Variants in NR6A1 observed in about 807,000 individuals in gnomAD.
NR6A1 encodes nuclear receptor subfamily 6 group A member 1, also known as retinoic acid receptor-related testis-associated receptor.
A neutral mutation model predicts 59.1 loss-of-function variants in NR6A1; 7 were observed. That is an observed-to-expected ratio of 0.12 (90% CI 0.07 to 0.22). The LOEUF (loss-of-function observed/expected upper bound fraction) is 0.22. Among genes scored for constraint, NR6A1 ranks in the 10% least tolerant of loss-of-function variants. The pLI is 1.00. For synonymous variants in NR6A1, 243 were observed against 236.1 expected, an observed-to-expected ratio of 1.03 and a Z score of -0.27; for missense variants, 468 against 611.6, an observed-to-expected ratio of 0.77 and a Z score of 2.48.
Position 124,771,278 on chromosome 9 carries a change from T to C in NR6A1, c.-159A>G, listed in dbSNP as rs1428879694. The C allele has an allele frequency of 2.6e-6, 1 of 391,416 alleles. No individual in the cohort carries two copies. The highest frequency in any genetic ancestry group is 4.5e-5 in the Admixed American group (1 of 22,274). 24.2% of individuals were successfully genotyped at this position (391,416 alleles called of 1,614,324 possible). ...CCCGAGCCGCCCGGCTCCGCGCCGC[T>C]CCGCGCCCCTCCGCGCCGCGCCCCC... On this transcript the variant is annotated 5_prime_UTR_variant, in exon 1 of 10. Coordinates refer to ENST00000487099, the MANE Select transcript of NR6A1 (RefSeq NM_033334.4).
chr9:124,564,681 CTGTGTGTGTG>C (rs56301413), intron 2 of NR6A1, among the ~76,000 whole-genome samples: 3 of 149,394 alleles, frequency 2.0e-5, no homozygotes, highest in Admixed American at 6.7e-5. Context: ...AATCCACACT[CTGTGTGTGTG>C]TGTGTGTGTG....
intron 2 of NR6A1, chr9:124,607,352 G>A (rs763519412): frequency 3.3e-5 from 5 of 152,188 alleles, no homozygotes; most frequent in African/African-American, 4.8e-5. Flanking sequence ...AACTGGCCTA[G>A]GTCAGAAATG....
At chr9:124,676,552 G>C (rs1161884811) in intron 2 of NR6A1, among the ~76,000 whole-genome samples, 1 of 152,126 alleles carries the variant, frequency 6.6e-6, no homozygotes, top group African/African-American at 2.4e-5. Context: ...AAGTTATTAA[G>C]AAAGTGTTAG....
At chr9:124,742,352 T>C (rs1414413609) in intron 1 of NR6A1, among the ~76,000 whole-genome samples, 1 of 149,818 alleles carries the variant, frequency 6.7e-6, no homozygotes, top group Non-Finnish European at 1.5e-5. Flanking sequence ...CACCTGAGGT[T>C]AGGAGTTTGA....
chr9:124,561,024 A>G (rs1834070962), intron 2 of NR6A1, among the ~76,000 whole-genome samples: 1 of 152,158 alleles, frequency 6.6e-6, no homozygotes, highest in Non-Finnish European at 1.5e-5. Flanking sequence ...AGAAAATGAC[A>G]GGCTGAGCAC....
intron 2 of NR6A1, among the ~76,000 whole-genome samples, chr9:124,571,544 C>T (rs1834437162): frequency 6.6e-6 from 1 of 152,314 alleles, no homozygotes; most frequent in South Asian, 2.1e-4. Flanking sequence ...ATGGCCACTG[C>T]TGACGGGACT....
intron 9 of NR6A1, 104 bp downstream of exon 9, chr9:124,524,617 G>C (rs1319092036): frequency 2.3e-6 from 3 of 1,293,026 alleles, no homozygotes; most frequent in Non-Finnish European, 3.2e-6. Flanking sequence ...TCATGCAGTT[G>C]GTGATGGGCT....
chr9:124,752,289 TAAG>T (rs764412311), intron 1 of NR6A1, among the ~76,000 whole-genome samples: 32 of 151,848 alleles, frequency 2.1e-4, no homozygotes, highest in Non-Finnish European at 4.3e-4. Context: ...AAAAATTAAA[TAAG>T]AAAAAATGAC....
chr9:124,737,849 A>G (rs1840059221), intron 1 of NR6A1, among the ~76,000 whole-genome samples: 1 of 152,120 alleles, frequency 6.6e-6, no homozygotes, highest in Non-Finnish European at 1.5e-5. Flanking sequence ...TGGGGGAAAG[A>G]GCAAGACTCC....
At chr9:124,753,949 A>C (rs1040467811) in intron 1 of NR6A1, among the ~76,000 whole-genome samples, 1 of 152,246 alleles carries the variant, frequency 6.6e-6, no homozygotes, top group Non-Finnish European at 1.5e-5. Context: ...CATATCTTAA[A>C]TCACTGAGAA....
intron 6 of NR6A1, among the ~76,000 whole-genome samples, chr9:124,537,357 G>A (rs1351712838): frequency 6.6e-6 from 1 of 152,196 alleles, no homozygotes; most frequent in African/African-American, 2.4e-5. Context: ...AAAGTGCTGG[G>A]ATTACAGGCA....
At position 124,532,303 on chromosome 9, in the gene NR6A1, T is replaced by C. The variant is rs570170792; in HGVS notation, c.1079+3575A>G. Reference sequence around the variant, plus strand: ...TCCTTCCTGTTCTCTACAACGTTCCTAGAAATTCCCACTTCAAGGTGCAGC... The same window carrying C: ...TCCTTCCTGTTCTCTACAACGTTCCCAGAAATTCCCACTTCAAGGTGCAGC... On this transcript the variant is annotated intron_variant, in intron 7 of 9. Transcript: ENST00000487099. Among the ~76,000 whole-genome samples, 99 of 152,340 alleles carry C rather than the reference T, an allele frequency of 6.5e-4. 4 individuals carry two copies. Among genetic ancestry groups the C allele is most frequent in the Admixed American group, 6.1e-3 (94 of 15,302 alleles).
chr9:124,749,617 A>G (rs577129820), intron 1 of NR6A1, among the ~76,000 whole-genome samples: 1 of 152,110 alleles, frequency 6.6e-6, no homozygotes, highest in African/African-American at 2.4e-5. Flanking sequence ...GTGGCCATTC[A>G]CAGGAACAAT....
At chr9:124,587,639 T>C (rs1055316781) in intron 2 of NR6A1, among the ~76,000 whole-genome samples, 3 of 152,240 alleles carry the variant, frequency 2.0e-5, no homozygotes, top group Non-Finnish European at 2.9e-5. Flanking sequence ...CACAGACGTG[T>C]GCATTATTGG....
At chr9:124,704,842 G>A (rs1301636787) in intron 2 of NR6A1, among the ~76,000 whole-genome samples, 1 of 152,106 alleles carries the variant, frequency 6.6e-6, no homozygotes, top group Non-Finnish European at 1.5e-5. Flanking sequence ...AGGCCCAGGA[G>A]ATACACCCAC....
At chr9:124,536,176 G>A in intron 6 of NR6A1, 44 bp from the exon 7 acceptor site, 3 of 1,591,452 alleles carry the variant, frequency 1.9e-6, no homozygotes, top group African/African-American at 2.7e-5. Context: ...TTGGTCAGAG[G>A]GTGAGGATAA....
intron 7 of NR6A1, among the ~76,000 whole-genome samples, chr9:124,530,941 C>T (rs139350906): frequency 3.3e-4 from 50 of 152,332 alleles, no homozygotes; most frequent in Admixed American, 7.2e-4. Flanking sequence ...ACCTCTCAAC[C>T]TCATGCTCCT....
At position 124,526,280 on chromosome 9, in the gene NR6A1, A is replaced by G. The variant is rs897165495; in HGVS notation, c.1201+499T>C. 5.9e-4 allele frequency among the ~76,000 whole-genome samples: 85 copies of G among 144,824 alleles called. 1 individual carries two copies. In the South Asian group the frequency reaches 0.016, roughly 28 times the overall value. On this transcript the variant is annotated intron_variant, in intron 8 of 9. Coordinates refer to ENST00000487099, the MANE Select transcript of NR6A1 (RefSeq NM_033334.4). Reference sequence around the variant, plus strand: ...TTAAAAGCCATGCTTGATTGTGTGTATGTGTGTATGTGTGTGTGTGTGTGT... The same window carrying G: ...TTAAAAGCCATGCTTGATTGTGTGTGTGTGTGTATGTGTGTGTGTGTGTGT...
At chr9:124,559,835 TTCTTAG>T (rs1364495616) in intron 2 of NR6A1, among the ~76,000 whole-genome samples, 5 of 152,152 alleles carry the variant, frequency 3.3e-5, no homozygotes, top group Non-Finnish European at 5.9e-5. Context: ...TCCTTCTCAT[TTCTTAG>T]TCTTAATGAA....
Sources: allele counts gnomAD v4.1 joint callset (sites outside exome capture counted in the v4.1 genomes callset), GRCh38; gene constraint gnomAD v4.1.1; transcripts MANE v1.5; gene names NCBI Gene and HGNC (gene_info 2026-07-23, HGNC 2026-07-21).